ARMC9: variants seen among roughly 807,000 people sequenced by gnomAD.
The protein encoded by ARMC9 is lisH domain-containing protein ARMC9.
In ARMC9, 94 loss-of-function variants were observed where a neutral mutation model predicts 107.0. The ratio of observed to expected loss-of-function variants is 0.88; its 90% confidence interval spans 0.74 to 1.04. ARMC9 has a LOEUF of 1.04. ARMC9 is among the 50% of genes least tolerant of loss of function. The probability of loss-of-function intolerance (pLI) is 0.00; values close to 1 mark genes in which losing one functional copy is unlikely to be tolerated. For synonymous variants in ARMC9, 380 were observed against 396.9 expected (o/e 0.96, Z 0.51); for missense variants, 942 against 1,030.1 (o/e 0.91, Z 1.17).
At chr2:231,310,681 G>C (rs2042296112) in intron 19 of ARMC9, among the ~76,000 whole-genome samples, 1 of 151,914 alleles carries the variant, frequency 6.6e-6, no homozygotes, top group South Asian at 2.1e-4. Context: ...GGAGGTTGCA[G>C]TGAGCCGAGA....
At chr2:231,210,136 G>A (rs925518424) in intron 3 of ARMC9, among the ~76,000 whole-genome samples, 5 of 152,304 alleles carry the variant, frequency 3.3e-5, no homozygotes, top group East Asian at 1.9e-4. Context: ...TGGCATGGGC[G>A]CTGTTGAGAG....
chr2:231,307,247 G>A (rs963234342), intron 19 of ARMC9, among the ~76,000 whole-genome samples: 5 of 152,240 alleles, frequency 3.3e-5, no homozygotes, highest in Non-Finnish European at 7.3e-5. Context: ...TATAGGTGAG[G>A]TGGCATAAGC....
At chr2:231,228,968 T>C (rs189714701) in intron 7 of ARMC9, among the ~76,000 whole-genome samples, 3 of 152,276 alleles carry the variant, frequency 2.0e-5, no homozygotes, top group Non-Finnish European at 4.4e-5. Flanking sequence ...GCAGATCAAA[T>C]AAACATGGGA....
intron 8 of ARMC9, 145 bp from the exon 9 acceptor site, chr2:231,239,798 A>T: frequency 1.4e-6 from 1 of 699,412 alleles, no homozygotes; most frequent in Non-Finnish European, 2.5e-6. Flanking sequence ...TGTTAAAGCA[A>T]ATGATTATTT....
intron 3 of ARMC9, among the ~76,000 whole-genome samples, chr2:231,212,201 C>T (rs924122994): frequency 3.3e-5 from 5 of 152,138 alleles, no homozygotes; most frequent in African/African-American, 4.8e-5. Flanking sequence ...TGATGGTGTA[C>T]ACATTTTCTC....
intron 5 of ARMC9, among the ~76,000 whole-genome samples, chr2:231,221,438 T>C (rs1044811870): frequency 7.9e-5 from 12 of 152,178 alleles, no homozygotes; most frequent in Admixed American, 7.9e-4. Flanking sequence ...GACTTCAGCA[T>C]GTATTTTGAG....
chr2:231,275,590 T>C (rs2039686839), intron 14 of ARMC9, among the ~76,000 whole-genome samples: 1 of 152,214 alleles, frequency 6.6e-6, no homozygotes, highest in African/African-American at 2.4e-5. Context: ...AGGCTTTTGC[T>C]CCTCCTTGTT....
Position 231,340,918 on chromosome 2 carries a change from T to C in ARMC9, c.1879-4057T>C, listed in dbSNP as rs141985671. Reference sequence around the variant, plus strand: ...AACAAACAAACAAACAAAAAACAAGTGTAGGGCTGGGCATGGTGGCTCGTG... The same window carrying C: ...AACAAACAAACAAACAAAAAACAAGCGTAGGGCTGGGCATGGTGGCTCGTG... On this transcript the variant is annotated intron_variant, in intron 20 of 24. Coordinates refer to ENST00000611582, the MANE Select transcript of ARMC9 (RefSeq NM_001352754.2). Among the ~76,000 whole-genome samples, 1,492 of 151,792 alleles carry C rather than the reference T, an allele frequency of 9.8e-3. 22 individuals are homozygous for C. Among genetic ancestry groups the C allele is most frequent in the Non-Finnish European group, 9.6e-3 (653 of 67,880 alleles).
At chr2:231,363,662 G>A (rs775645957) in intron 23 of ARMC9, among the ~76,000 whole-genome samples, 21 of 152,208 alleles carry the variant, frequency 1.4e-4, no homozygotes, top group East Asian at 3.9e-4. Context: ...CAAGGCGGGC[G>A]GACAACGAGG....
At chr2:231,233,374 GA>G (rs2035417793) in intron 7 of ARMC9, among the ~76,000 whole-genome samples, 1 of 152,186 alleles carries the variant, frequency 6.6e-6, no homozygotes, top group East Asian at 1.9e-4. Flanking sequence ...TATAAAATCA[GA>G]ATCTCTGGGA....
chr2:231,243,727 C>T (rs1574762517), intron 9 of ARMC9, among the ~76,000 whole-genome samples: 1 of 152,064 alleles, frequency 6.6e-6, no homozygotes, highest in East Asian at 1.9e-4. Context: ...TGATAAAAAG[C>T]GTATGGGGGG....
At chr2:231,273,111 T>A in intron 14 of ARMC9, 33 bp downstream of exon 14, 1 of 1,593,410 alleles carries the variant, frequency 6.3e-7, no homozygotes, top group Non-Finnish European at 8.6e-7. Flanking sequence ...CGGTGTCTCC[T>A]GTGAGATCAG....
intron 13 of ARMC9, among the ~76,000 whole-genome samples, chr2:231,272,419 G>A (rs1009042831): frequency 6.6e-6 from 1 of 151,552 alleles, no homozygotes; most frequent in South Asian, 2.1e-4. Context: ...GGTCTCCAAC[G>A]CCTCGGCTCA....
chr2:231,307,448 TG>T (rs2042096683), intron 19 of ARMC9, among the ~76,000 whole-genome samples: 1 of 152,122 alleles, frequency 6.6e-6, no homozygotes, highest in South Asian at 2.1e-4. Flanking sequence ...AAAGCACACT[TG>T]GGGGCAAATG....
chr2:231,290,772 A>C (rs756832861), intron 17 of ARMC9, among the ~76,000 whole-genome samples: 6 of 152,148 alleles, frequency 3.9e-5, no homozygotes, highest in Non-Finnish European at 8.8e-5. Context: ...GTTTAAAGAG[A>C]GGTTCTATTC....
Position 231,256,264 on chromosome 2 carries a change from C to T in ARMC9, c.880-322C>T. 5 of 1,551,568 alleles carry T rather than the reference C, an allele frequency of 3.2e-6. No homozygotes were observed. In the South Asian group the frequency reaches 3.6e-5, roughly 11 times the overall value. ...GCCCCGTGCGCGAGGGCGACGTGCT[C>T]ACCCTTTTGGAGTCAGAGCGAGAAG... On this transcript the variant is annotated intron_variant, in intron 9 of 24. Coordinates refer to ENST00000611582, the MANE Select transcript of ARMC9 (RefSeq NM_001352754.2).
At chr2:231,295,120 CCTT>C (rs1479271438) in intron 18 of ARMC9, 2 of 152,184 alleles carry the variant, frequency 1.3e-5, no homozygotes, top group Admixed American at 6.5e-5. Flanking sequence ...GGCTTTAGTT[CCTT>C]CTTTTCTCCT....
intron 24 of ARMC9, 95 bp downstream of exon 24, chr2:231,370,220 G>T: frequency 7.4e-7 from 1 of 1,350,854 alleles, no homozygotes. Flanking sequence ...CCGTGCTCCT[G>T]TGTGTACCAG....
chr2:231,340,002 T>C (rs1188693214), intron 20 of ARMC9, among the ~76,000 whole-genome samples: 2 of 152,226 alleles, frequency 1.3e-5, no homozygotes, highest in Non-Finnish European at 2.9e-5. Context: ...CATTTTTGGC[T>C]GGGCCTGAGA....
Sources: gnomAD v4.1 joint callset for allele counts (sites outside exome capture counted in the v4.1 genomes callset) on GRCh38, gnomAD v4.1.1 for gene constraint, MANE v1.5 for transcripts, NCBI Gene and HGNC (gene_info 2026-07-23, HGNC 2026-07-21) for gene names.